Variants in CNTNAP4 observed in about 807,000 individuals in gnomAD.
CNTNAP4 encodes contactin associated protein family member 4.
Under a neutral mutation model 148.4 loss-of-function variants are expected in CNTNAP4, and 98 were observed. That is an observed-to-expected ratio of 0.66 (90% CI 0.56 to 0.78). The LOEUF (loss-of-function observed/expected upper bound fraction) is 0.78. CNTNAP4 is among the 30% of genes least tolerant of loss of function. CNTNAP4 has a pLI of 0.00. For synonymous variants in CNTNAP4, 730 were observed against 565.1 expected (o/e 1.29, Z -4.14); for missense variants, 1,935 against 1,565.6 (o/e 1.24, Z -3.98).
At chr16:76,429,948 G>A (rs2079552335) in intron 4 of CNTNAP4, among the ~76,000 whole-genome samples, 1 of 152,270 alleles carries the variant, frequency 6.6e-6, no homozygotes, top group East Asian at 1.9e-4. Context: ...AATGATGGTT[G>A]TGTAACTTTA....
At chr16:76,516,842 T>G (rs1280723805) in intron 15 of CNTNAP4, among the ~76,000 whole-genome samples, 1 of 152,164 alleles carries the variant, frequency 6.6e-6, no homozygotes, top group Non-Finnish European at 1.5e-5. Flanking sequence ...GGTGGGTGGA[T>G]CACCTGAGGT....
intron 21 of CNTNAP4, among the ~76,000 whole-genome samples, chr16:76,542,538 G>A (rs1323646812): frequency 2.6e-5 from 4 of 152,048 alleles, no homozygotes; most frequent in Non-Finnish European, 4.4e-5. Context: ...GGAGGTAAGC[G>A]TGCAGGTGGC....
At chr16:76,292,122 A>G (rs531446296) in intron 1 of CNTNAP4, among the ~76,000 whole-genome samples, 50 of 152,170 alleles carry the variant, frequency 3.3e-4, no homozygotes. Context: ...AGATTCTTGT[A>G]TTTCTCTAAT....
intron 15 of CNTNAP4, among the ~76,000 whole-genome samples, chr16:76,501,268 G>C (rs1047900568): frequency 6.6e-6 from 1 of 152,192 alleles, no homozygotes; most frequent in Admixed American, 6.5e-5. Flanking sequence ...AGAGTGTAAC[G>C]ATTTTTCATG....
At chr16:76,504,655 C>G (rs2082775373) in intron 15 of CNTNAP4, among the ~76,000 whole-genome samples, 1 of 152,008 alleles carries the variant, frequency 6.6e-6, no homozygotes, top group African/African-American at 2.4e-5. Context: ...TAAAATGACA[C>G]TGTCGAGAAA....
chr16:76,282,958 A>G (rs1214527278), intron 1 of CNTNAP4, among the ~76,000 whole-genome samples: 1 of 151,608 alleles, frequency 6.6e-6, no homozygotes, highest in Non-Finnish European at 1.5e-5. Flanking sequence ...TTAAATGAAG[A>G]TTTCTAAGTC....
intron 1 of CNTNAP4, among the ~76,000 whole-genome samples, chr16:76,305,425 T>G (rs180932687): frequency 3.7e-4 from 57 of 152,312 alleles, no homozygotes; most frequent in African/African-American, 1.3e-3. Flanking sequence ...AATTCCTTCC[T>G]TGTGCTTTCC....
intron 23 of CNTNAP4, chr16:76,558,137 A>T (rs1250503027): frequency 5.9e-6 from 1 of 168,092 alleles, no homozygotes; most frequent in Non-Finnish European, 1.3e-5. Flanking sequence ...TGTTGCTACT[A>T]CTCCATAATT....
In CNTNAP4 at chr16:76,498,622, G is replaced by C. The variant is rs765840311; in HGVS notation, c.2293G>C (p.Val765Leu). The change falls in exon 15 of 24, where the codon GTG becomes CTG. Residue 765 changes from valine (V) to leucine (L), a missense_variant. Physicochemically the swap from Val to Leu is conservative, Grantham distance 32 (BLOSUM62 1). Coordinates refer to ENST00000611870, the MANE Select transcript of CNTNAP4 (RefSeq NM_033401.5). ...AGAACATCTTCCAGTAACTAAGATC[G>C]TGATTACAGACACAGGCCGACTGCA... ...YKEHLPVTKI[V>L]ITDTGRLHSE... 2 of 1,612,506 alleles carry C rather than the reference G, an allele frequency of 1.2e-6. No individual in the cohort carries two copies. Among genetic ancestry groups the C allele is most frequent in the African/African-American group, 1.3e-5 (1 of 74,870 alleles).
chr16:76,473,651 G>A (rs1359483069), intron 10 of CNTNAP4, among the ~76,000 whole-genome samples: 1 of 152,070 alleles, frequency 6.6e-6, no homozygotes, highest in Non-Finnish European at 1.5e-5. Context: ...GCAGGCACCT[G>A]TAGTTCCAGC....
intron 15 of CNTNAP4, among the ~76,000 whole-genome samples, chr16:76,514,313 G>T (rs2083152318): frequency 6.6e-6 from 1 of 152,108 alleles, no homozygotes; most frequent in African/African-American, 2.4e-5. Context: ...ATTGGATGTT[G>T]CTCCAAAATT....
intron 10 of CNTNAP4, among the ~76,000 whole-genome samples, chr16:76,471,599 G>A (rs931942245): frequency 2.6e-5 from 4 of 152,152 alleles, no homozygotes; most frequent in South Asian, 4.1e-4. Flanking sequence ...ATCCAGGCCC[G>A]TTGTTTTCCT....
chr16:76,323,055 A>G (rs1962595981), intron 2 of CNTNAP4, among the ~76,000 whole-genome samples: 1 of 151,814 alleles, frequency 6.6e-6, no homozygotes, highest in Admixed American at 6.6e-5. Context: ...CCATGTTGGC[A>G]AGGCTGATTT....
chr16:76,344,290 T>G (rs1209263146), intron 2 of CNTNAP4, among the ~76,000 whole-genome samples: 1 of 152,194 alleles, frequency 6.6e-6, no homozygotes, highest in Non-Finnish European at 1.5e-5. Context: ...TGCCCCAGAA[T>G]GTGAATGTGA....
chr16:76,463,526 A>C (rs2081061024), intron 9 of CNTNAP4, among the ~76,000 whole-genome samples: 1 of 152,208 alleles, frequency 6.6e-6, no homozygotes. Flanking sequence ...TTATTATGAT[A>C]CATATGATAT....
At chr16:76,390,372 G>A (rs568585315) in intron 3 of CNTNAP4, among the ~76,000 whole-genome samples, 50 of 152,270 alleles carry the variant, frequency 3.3e-4, no homozygotes, top group Non-Finnish European at 6.5e-4. Flanking sequence ...TTAGAGGCCT[G>A]TGTGAGCTGG....
chr16:76,412,741 A>G (rs11860805), intron 3 of CNTNAP4, among the ~76,000 whole-genome samples: 2,404 of 151,556 alleles, frequency 0.016, 63 homozygotes, highest in African/African-American at 0.055. Flanking sequence ...ACTGAAAAAT[A>G]GGTTCTACCA....
chr16:76,325,487 A>C (rs1772045596), intron 2 of CNTNAP4, among the ~76,000 whole-genome samples: 3 of 152,152 alleles, frequency 2.0e-5, no homozygotes. Flanking sequence ...TTCAGCTAGA[A>C]ATCATTAATT....
At position 76,558,649 on chromosome 16, in the gene CNTNAP4, C is replaced by T. The variant is rs1363648989; in HGVS notation, c.3893C>T (p.Ala1298Val). ...VLKSELNIQN[A>V]VNENQKEYFF ...AAAAGTGAGCTTAATATACAAAATGCAGTCAATGAAAATCAGAAAGAGTAC... is the reference window on the plus strand; with the variant it reads ...AAAAGTGAGCTTAATATACAAAATGTAGTCAATGAAAATCAGAAAGAGTAC... The change falls in exon 24 of 24, where the codon GCA (alanine) becomes GTA (valine). Residue 1298 changes from alanine to valine, a missense_variant. Ala to Val is a moderately conservative substitution (Grantham distance 64). Coordinates refer to ENST00000611870, the MANE Select transcript of CNTNAP4 (RefSeq NM_033401.5). 3.1e-6 allele frequency: 5 copies of T among 1,610,218 alleles called. No individual in the cohort carries two copies. The highest frequency in any genetic ancestry group is 1.1e-5 in the South Asian group (1 of 90,104).
Sources: allele counts gnomAD v4.1 joint callset (sites outside exome capture counted in the v4.1 genomes callset), GRCh38; gene constraint gnomAD v4.1.1; transcripts MANE v1.5; gene names NCBI Gene and HGNC (gene_info 2026-07-23, HGNC 2026-07-21).